Variants in PAK1 observed in about 807,000 individuals in gnomAD.
PAK1 encodes serine/threonine-protein kinase PAK 1.
PAK1 carries 29 observed loss-of-function variants against 67.4 expected under a neutral mutation model. That is an observed-to-expected ratio of 0.43 (90% CI 0.32 to 0.59). The LOEUF is 0.59. Among genes scored for constraint, PAK1 ranks in the 20% least tolerant of loss-of-function variants. The pLI, the probability that PAK1 is intolerant of heterozygous loss-of-function variation, is 0.07. For synonymous variants in PAK1, 223 were observed against 237.4 expected, an observed-to-expected ratio of 0.94 and a Z score of 0.56; for missense variants, 337 against 670.7, an observed-to-expected ratio of 0.50 and a Z score of 5.50.
chr11:77,341,829 G>C (rs974660208), intron 10 of PAK1, among the ~76,000 whole-genome samples: 8 of 152,098 alleles, frequency 5.3e-5, no homozygotes, highest in African/African-American at 1.4e-4. Flanking sequence ...ATCAAGCAAG[G>C]GTAAGATTTG....
chr11:77,353,511 AG>A (rs1565605999), intron 8 of PAK1, 24 bp downstream of exon 8: 3 of 1,552,008 alleles, frequency 1.9e-6, no homozygotes, highest in Admixed American at 1.7e-5. Flanking sequence ...TCATTTCTCC[AG>A]GGAAAGAAAA....
intron 1 of PAK1, among the ~76,000 whole-genome samples, chr11:77,440,769 T>A (rs1047109456): frequency 6.6e-6 from 1 of 152,156 alleles, no homozygotes; most frequent in African/African-American, 2.4e-5. Flanking sequence ...ACAATATGCA[T>A]TGAAGCCACC....
intron 1 of PAK1, among the ~76,000 whole-genome samples, chr11:77,410,689 A>C (rs537028991): frequency 6.6e-5 from 10 of 151,530 alleles, no homozygotes; most frequent in African/African-American, 2.2e-4. Flanking sequence ...GGCGGGAGAA[A>C]AGGTAGGCAG....
At chr11:77,382,543 C>T (rs1445824009) in intron 2 of PAK1, among the ~76,000 whole-genome samples, 1 of 152,164 alleles carries the variant, frequency 6.6e-6, no homozygotes, top group African/African-American at 2.4e-5. Context: ...GCTACACCAC[C>T]AAGCATCTAG....
At chr11:77,479,479 G>C (rs1379276282), upstream of PAK1, among the ~76,000 whole-genome samples, 1 of 152,068 alleles carries the variant, frequency 6.6e-6, no homozygotes, top group Non-Finnish European at 1.5e-5. Context: ...AGGAAAGGAA[G>C]AGCTCTGGAG....
intron 1 of PAK1, among the ~76,000 whole-genome samples, chr11:77,422,053 T>C (rs894697552): frequency 1.3e-5 from 2 of 152,190 alleles, no homozygotes; most frequent in Admixed American, 6.5e-5. Context: ...CTCCTAAATA[T>C]GGCCCTCAGA....
At chr11:77,355,975 A>G (rs147863230) in intron 6 of PAK1, 133 bp from the exon 7 acceptor site, 6 of 628,682 alleles carry the variant, frequency 9.5e-6, no homozygotes, top group African/African-American at 1.8e-5. Flanking sequence ...CAAAATCTAT[A>G]TTACTCCTCC....
chr11:77,412,571 G>A (rs954905712), intron 1 of PAK1, among the ~76,000 whole-genome samples: 1 of 152,040 alleles, frequency 6.6e-6, no homozygotes, highest in African/African-American at 2.4e-5. Context: ...TGGGACTACA[G>A]GTACCTGCCA....
At chr11:77,521,818 G>C in the PAK1 span, among the ~76,000 whole-genome samples, 3 of 152,316 alleles carry the variant, frequency 2.0e-5, no homozygotes, top group East Asian at 5.8e-4. Flanking sequence ...CTCAGAACTA[G>C]AATATTGATC....
intron 14 of PAK1, among the ~76,000 whole-genome samples, chr11:77,331,209 T>C (rs990604823): frequency 2.0e-5 from 3 of 152,192 alleles, no homozygotes; most frequent in Non-Finnish European, 2.9e-5. Context: ...AGTTCAACCA[T>C]TGTGGAAGTC....
chr11:77,486,978 G>T, the PAK1 span, among the ~76,000 whole-genome samples: 1 of 152,190 alleles, frequency 6.6e-6, no homozygotes, highest in Non-Finnish European at 1.5e-5. Context: ...GGTAACCAAG[G>T]AAATGCTTGC....
chr11:77,495,448 T>G, the PAK1 span, among the ~76,000 whole-genome samples: 1 of 152,126 alleles, frequency 6.6e-6, no homozygotes, highest in African/African-American at 2.4e-5. Context: ...CACTCCAGCC[T>G]GGGCAACAAA....
intron 1 of PAK1, among the ~76,000 whole-genome samples, chr11:77,416,331 C>T (rs2138124212): frequency 6.6e-6 from 1 of 152,268 alleles, no homozygotes; most frequent in African/African-American, 2.4e-5. Context: ...CACATAAACA[C>T]ACACTTTAGT....
chr11:77,337,598 C>T (rs1021027187), intron 11 of PAK1, among the ~76,000 whole-genome samples, 175 bp from the exon 12 acceptor site: 3 of 152,200 alleles, frequency 2.0e-5, no homozygotes, highest in South Asian at 2.1e-4. Context: ...AACAAGTCTT[C>T]CATCTCCTAG....
chr11:77,411,028 A>C (rs1029062007), intron 1 of PAK1, among the ~76,000 whole-genome samples: 2 of 151,994 alleles, frequency 1.3e-5, no homozygotes, highest in African/African-American at 4.8e-5. Flanking sequence ...TCTACTTCCC[A>C]ACCCTACCTC....
intron 11 of PAK1, 85 bp downstream of exon 11, chr11:77,340,561 C>G (rs201216556): frequency 1.6e-4 from 125 of 767,626 alleles, no homozygotes; most frequent in Middle Eastern, 2.8e-4. Flanking sequence ...AGAGCCCAGG[C>G]TGAGATCTCA....
At chr11:77,483,568 AGGTACAAGGAAACTTT>A in the PAK1 span, among the ~76,000 whole-genome samples, 2 of 152,268 alleles carry the variant, frequency 1.3e-5, no homozygotes, top group East Asian at 3.8e-4. Context: ...GACTACAAAC[AGGTACAAGGAAACTTT>A]GTGGGGTATT....
At chr11:77,434,767 C>A (rs1956035401) in intron 1 of PAK1, among the ~76,000 whole-genome samples, 1 of 152,050 alleles carries the variant, frequency 6.6e-6, no homozygotes, top group Non-Finnish European at 1.5e-5. Flanking sequence ...TACAGGCATG[C>A]ACCACCACGC....
intron 2 of PAK1, among the ~76,000 whole-genome samples, chr11:77,381,725 T>TTACTCA (rs1949863304): frequency 6.6e-6 from 1 of 152,224 alleles, no homozygotes; most frequent in South Asian, 2.1e-4. Flanking sequence ...ATTTTACAGA[T>TTACTCA]GAGGAAACTG....
Sources: allele counts gnomAD v4.1 joint callset (sites outside exome capture counted in the v4.1 genomes callset), GRCh38; gene constraint gnomAD v4.1.1; transcripts MANE v1.5; gene names NCBI Gene and HGNC (gene_info 2026-07-23, HGNC 2026-07-21).